The following CCM2 variants were observed in gnomAD, a reference collection of about 807,000 sequenced individuals.
CCM2 encodes cerebral cavernous malformations 2 protein.
A neutral mutation model predicts 44.9 loss-of-function variants in CCM2; 25 were observed. The ratio of observed to expected loss-of-function variants is 0.56; its 90% CI spans 0.41 to 0.78. The LOEUF (loss-of-function observed/expected upper bound fraction) is 0.78. Ranked by LOEUF, CCM2 falls within the 30% of genes least tolerant of loss-of-function variation. The pLI is 0.00. For missense variants in CCM2, 481 were observed against 580.6 expected (o/e 0.83, Z 1.76); for synonymous variants, 219 against 241.1 (o/e 0.91, Z 0.85).
chr7:45,031,717 C>T (rs572714015), intron 1 of CCM2, among the ~76,000 whole-genome samples: 119 of 152,024 alleles, frequency 7.8e-4, no homozygotes, highest in Non-Finnish European at 1.3e-3. Flanking sequence ...GCCACCATGT[C>T]CTGCTAATTT....
intron 1 of CCM2, among the ~76,000 whole-genome samples, chr7:45,012,964 A>T (rs1346204872): frequency 6.6e-6 from 1 of 152,064 alleles, no homozygotes; most frequent in Non-Finnish European, 1.5e-5. Context: ...ATCTAGTCTG[A>T]TAGTTTCTGC....
chr7:45,001,662 C>T (rs928388959), intron 1 of CCM2, among the ~76,000 whole-genome samples: 3 of 152,126 alleles, frequency 2.0e-5, no homozygotes, highest in Admixed American at 6.6e-5. Flanking sequence ...GTACCTGGCC[C>T]ATCTACCTGT....
intron 2 of CCM2, among the ~76,000 whole-genome samples, chr7:45,039,753 G>A (rs990132189): frequency 2.0e-5 from 3 of 152,334 alleles, no homozygotes; most frequent in South Asian, 4.1e-4. Flanking sequence ...TAGGCCAGGT[G>A]CGGTGGCTCA....
At chr7:45,023,469 GAA>G (rs1796561206) in intron 1 of CCM2, among the ~76,000 whole-genome samples, 22 of 152,306 alleles carry the variant, frequency 1.4e-4, no homozygotes, top group Middle Eastern at 6.8e-3. Flanking sequence ...AGAATCGCTT[GAA>G]CTTGGGAGGT....
chr7:45,023,166 G>A (rs750674915), intron 1 of CCM2, among the ~76,000 whole-genome samples: 1 of 152,114 alleles, frequency 6.6e-6, no homozygotes, highest in Non-Finnish European at 1.5e-5. Flanking sequence ...ATATCACTCT[G>A]TGTGCCTTTG....
At chr7:45,002,660 C>T (rs1363906901) in intron 1 of CCM2, among the ~76,000 whole-genome samples, 1 of 152,104 alleles carries the variant, frequency 6.6e-6, no homozygotes, top group Non-Finnish European at 1.5e-5. Flanking sequence ...GGAAACTTGG[C>T]CCCAGTGTAT....
At chr7:45,021,883 T>G (rs1796496696) in intron 1 of CCM2, among the ~76,000 whole-genome samples, 1 of 152,226 alleles carries the variant, frequency 6.6e-6, no homozygotes, top group African/African-American at 2.4e-5. Flanking sequence ...GATTCATTAG[T>G]GGCATGTGAA....
At chr7:45,064,049 G>C (rs1798649570) in intron 3 of CCM2, 48 bp downstream of exon 3, 1 of 1,343,790 alleles carries the variant, frequency 7.4e-7, no homozygotes, top group Non-Finnish European at 1.1e-6. Context: ...GCCCCCACCA[G>C]CCCTTGGTCC....
At position 45,008,356 on chromosome 7, in the gene CCM2, CTTTTTTTTTTTT is replaced by C. The variant is rs59435094; in HGVS notation, c.30+8009_30+8020del. Among the ~76,000 whole-genome samples the C allele has an allele frequency of 8.6e-3, 983 of 114,792 alleles. 20 individuals carry two copies. The highest frequency in any genetic ancestry group is 0.036 in the African/African-American group (901 of 24,690). 75.3% of individuals were successfully genotyped at this position (114,792 alleles called of 152,430 possible). On this transcript the variant is annotated intron_variant, in intron 1 of 9. Transcript: ENST00000258781. ...CCGTGCCTGGCCAAGGGTACATGTTCTTTTTTTTTTTTTTTTTTTTTTTTTTTGAGACAGTTT... is the reference window on the plus strand; with the variant it reads ...CCGTGCCTGGCCAAGGGTACATGTTCTTTTTTTTTTTTTTTGAGACAGTTT...
chr7:45,014,372 C>T (rs574337664), intron 1 of CCM2, among the ~76,000 whole-genome samples: 9 of 152,270 alleles, frequency 5.9e-5, no homozygotes, highest in East Asian at 1.9e-4. Flanking sequence ...AACTCCTGAC[C>T]TCGTGATCCG....
chr7:45,000,947 T>C (rs1795593582), intron 1 of CCM2, among the ~76,000 whole-genome samples: 2 of 152,228 alleles, frequency 1.3e-5, no homozygotes, highest in South Asian at 4.1e-4. Context: ...AGGGTTATAG[T>C]AGTCGATAAA....
At chr7:45,022,385 C>T (rs908138979) in intron 1 of CCM2, among the ~76,000 whole-genome samples, 5 of 132,828 alleles carry the variant, frequency 3.8e-5, no homozygotes, top group Non-Finnish European at 6.2e-5. Context: ...CGGTTCACTG[C>T]AAACTCCGCC....
intron 2 of CCM2, among the ~76,000 whole-genome samples, chr7:45,040,593 C>G (rs1797443566): frequency 6.6e-6 from 1 of 152,154 alleles, no homozygotes; most frequent in South Asian, 2.1e-4. Context: ...ACATGACTCC[C>G]CCCATTGAAA....
intron 1 of CCM2, among the ~76,000 whole-genome samples, chr7:45,028,288 G>T (rs986402573): frequency 1.3e-5 from 2 of 152,204 alleles, no homozygotes; most frequent in African/African-American, 4.8e-5. Flanking sequence ...GTGGCCTCCT[G>T]TGGGCACTAA....
intron 2 of CCM2, among the ~76,000 whole-genome samples, chr7:45,048,080 T>G (rs1480793753): frequency 6.7e-6 from 1 of 148,742 alleles, no homozygotes; most frequent in Non-Finnish European, 1.5e-5. Context: ...TATCTTAAAT[T>G]GATAAGCAAT....
chr7:45,051,621 C>G (rs1024659494), intron 2 of CCM2, among the ~76,000 whole-genome samples: 4 of 151,780 alleles, frequency 2.6e-5, no homozygotes, highest in Admixed American at 2.6e-4. Context: ...GTAGTGGTGG[C>G]ATGATCTCAG....
At chr7:45,069,697 A>C in intron 5 of CCM2, 129 bp from the exon 6 acceptor site, 1 of 1,211,952 alleles carries the variant, frequency 8.3e-7, no homozygotes, top group East Asian at 2.4e-5. Context: ...AGGCAGAGGG[A>C]CACATTCTGG....
intron 1 of CCM2, among the ~76,000 whole-genome samples, chr7:45,013,472 T>C (rs1353391768): frequency 6.6e-6 from 1 of 152,078 alleles, no homozygotes; most frequent in Non-Finnish European, 1.5e-5. Flanking sequence ...TTCTGAACCA[T>C]TAAGAATAAG....
intron 2 of CCM2, among the ~76,000 whole-genome samples, chr7:45,061,384 A>G (rs1313384741): frequency 1.3e-5 from 2 of 150,956 alleles, no homozygotes; most frequent in Non-Finnish European, 2.9e-5. Flanking sequence ...CTGGTAAAAT[A>G]GTTTTCCTTG....
Sources: gnomAD v4.1 joint callset for allele counts (sites outside exome capture counted in the v4.1 genomes callset) on GRCh38, gnomAD v4.1.1 for gene constraint, MANE v1.5 for transcripts, NCBI Gene and HGNC (gene_info 2026-07-23, HGNC 2026-07-21) for gene names.